ZNF667: variants seen among roughly 807,000 people sequenced by gnomAD.
ZNF667 encodes the protein myocardial ischemic preconditioning upregulated 1 ortholog.
A neutral mutation model predicts 31.8 loss-of-function variants in ZNF667; 13 were observed. The ratio of observed to expected loss-of-function variants is 0.41; its 90% confidence interval spans 0.27 to 0.65. The LOEUF is 0.65. Ranked by LOEUF, ZNF667 falls within the 30% of genes least tolerant of loss-of-function variation. The probability of loss-of-function intolerance (pLI) is 0.32; values close to 1 mark genes in which losing one functional copy is unlikely to be tolerated. For synonymous variants in ZNF667, 228 were observed against 247.1 expected, an observed-to-expected ratio of 0.92 and a Z score of 0.73; for missense variants, 642 against 725.6, an observed-to-expected ratio of 0.88 and a Z score of 1.32.
intron 6 of ZNF667, among the ~76,000 whole-genome samples, chr19:56,446,255 T>A (rs901892141): frequency 3.9e-5 from 6 of 152,242 alleles, no homozygotes; most frequent in African/African-American, 7.2e-5. Context: ...TAGATAATAA[T>A]CACGTACCTC....
chr19:56,451,868 CAAAAAAAAA>C (rs71184363), intron 6 of ZNF667, among the ~76,000 whole-genome samples: 34 of 80,946 alleles, frequency 4.2e-4, no homozygotes, highest in African/African-American at 1.0e-3. Context: ...GACCCTGTCT[CAAAAAAAAA>C]AAAAAAAAAA....
chr19:56,462,631 AG>A (rs2043071444), intron 3 of ZNF667, among the ~76,000 whole-genome samples: 1 of 152,198 alleles, frequency 6.6e-6, no homozygotes, highest in Non-Finnish European at 1.5e-5. Context: ...TTTGTGCCTA[AG>A]ATCATAGCAG....
intron 5 of ZNF667, 41 bp from the exon 6 acceptor site, chr19:56,458,288 G>A (rs2042975636): frequency 6.3e-7 from 1 of 1,581,048 alleles, no homozygotes. Flanking sequence ...ATAAATGTGG[G>A]CACCACAGAA....
chr19:56,453,681 C>T (rs2042879926), intron 6 of ZNF667, among the ~76,000 whole-genome samples: 1 of 152,046 alleles, frequency 6.6e-6, no homozygotes, highest in Admixed American at 6.6e-5. Flanking sequence ...AGGAACATTC[C>T]TCAACACAAT....
rs769969463 is a variant in ZNF667 at position 56,462,413 on chromosome 19, G to C, written c.-43C>G. 5 of 1,613,196 alleles carry C rather than the reference G, an allele frequency of 3.1e-6. No individual in the cohort carries two copies. Among genetic ancestry groups the C allele is most frequent in the Admixed American group, 1.7e-5 (1 of 60,010 alleles). The stretch of plus-strand genomic sequence containing the variant: ...GGGTCCACACTGAGAGATGGGCAGA[G>C]AGCTGGTAAGGCAGGGCTGTGGGGA... On this transcript the variant is annotated 5_prime_UTR_variant, in exon 4 of 7. Transcript: ENST00000504904.
intron 6 of ZNF667, among the ~76,000 whole-genome samples, chr19:56,450,530 T>C (rs2042799311): frequency 6.6e-6 from 1 of 152,112 alleles, no homozygotes; most frequent in Admixed American, 6.5e-5. Context: ...CATCTGAACA[T>C]ACAACACTCA....
intron 6 of ZNF667, among the ~76,000 whole-genome samples, chr19:56,452,485 C>A (rs555739104): frequency 5.9e-5 from 9 of 152,210 alleles, no homozygotes; most frequent in Admixed American, 3.9e-4. Context: ...TAAACGCCTA[C>A]ACCAAAAAAG....
At chr19:56,452,051 T>C (rs1435624225) in intron 6 of ZNF667, among the ~76,000 whole-genome samples, 2 of 140,908 alleles carry the variant, frequency 1.4e-5, no homozygotes, top group East Asian at 4.0e-4. Context: ...AGAAATCTCT[T>C]TTTTTTTTTT....
chr19:56,462,403 G>T lies in ZNF667; in HGVS notation c.-33C>A, dbSNP rs770986100. 1 of 1,613,986 alleles carries T rather than the reference G, an allele frequency of 6.2e-7. No homozygotes were observed. The highest frequency in any genetic ancestry group is 1.7e-5 in the Admixed American group (1 of 60,006). On this transcript the variant is annotated 5_prime_UTR_variant, in exon 4 of 7. Transcript: ENST00000504904. ...TCCCCCTTTAGGGTCCACACTGAGA[G>T]ATGGGCAGAGAGCTGGTAAGGCAGG...
intron 3 of ZNF667, among the ~76,000 whole-genome samples, chr19:56,465,088 A>G (rs1430833972): frequency 6.6e-6 from 1 of 152,268 alleles, no homozygotes; most frequent in Non-Finnish European, 1.5e-5. Context: ...TGAAAGTTGT[A>G]GAATGACAGT....
intron 3 of ZNF667, chr19:56,468,926 C>T (rs890906701): frequency 6.6e-6 from 1 of 152,212 alleles, no homozygotes; most frequent in Non-Finnish European, 1.5e-5. Flanking sequence ...CGTAGCTCTG[C>T]CTTTCAGGAC....
At chr19:56,477,668 TCCTCGAGCTCTTTAACCAAACCCAA>T (rs1327700701), upstream of ZNF667, 1 of 152,452 alleles carries the variant, frequency 6.6e-6, no homozygotes, top group Non-Finnish European at 1.5e-5. Context: ...CTGAGGCCCT[TCCTCGAGCTCTTTAACCAAACCCAA>T]CCTCCCCAAT....
At chr19:56,464,552 CT>C (rs1200326296) in intron 3 of ZNF667, among the ~76,000 whole-genome samples, 3 of 152,190 alleles carry the variant, frequency 2.0e-5, no homozygotes, top group Non-Finnish European at 2.9e-5. Flanking sequence ...GCTTTTTACC[CT>C]TTTCAATGTA....
At chr19:56,466,420 G>A (rs2043160922) in intron 3 of ZNF667, among the ~76,000 whole-genome samples, 1 of 152,272 alleles carries the variant, frequency 6.6e-6, no homozygotes, top group South Asian at 2.1e-4. Context: ...AGATGGAGTT[G>A]AGGTGGGCAC....
intron 3 of ZNF667, chr19:56,470,141 G>A (rs182784037): frequency 2.4e-6 from 1 of 417,536 alleles, no homozygotes; most frequent in East Asian, 7.2e-5. Context: ...GGAGGACAAA[G>A]GGCTGCTGGA....
chr19:56,446,981 C>A (rs958596012), intron 6 of ZNF667, among the ~76,000 whole-genome samples: 1 of 152,080 alleles, frequency 6.6e-6, no homozygotes, highest in African/African-American at 2.4e-5. Context: ...TGTGGAAATC[C>A]TTAAACCACA....
At chr19:56,467,315 A>C (rs2043184856) in intron 3 of ZNF667, among the ~76,000 whole-genome samples, 1 of 152,130 alleles carries the variant, frequency 6.6e-6, no homozygotes, top group Non-Finnish European at 1.5e-5. Context: ...CACCTTACAC[A>C]GCAAAAGGAA....
intron 3 of ZNF667, among the ~76,000 whole-genome samples, chr19:56,469,463 A>G (rs1304895883): frequency 2.6e-5 from 4 of 152,116 alleles, no homozygotes; most frequent in Non-Finnish European, 4.4e-5. Context: ...TCAATTGGGG[A>G]CAATACAGAA....
chr19:56,460,734 A>G lies in ZNF667; in HGVS notation c.115T>C (p.Tyr39His). The change falls in exon 5 of 7, where the codon TAT becomes CAT. Residue 39 changes from tyrosine to histidine, a missense_variant. Physicochemically the swap from Tyr to His is moderately conservative, Grantham distance 83. Coordinates refer to ENST00000504904, the MANE Select transcript of ZNF667 (RefSeq NM_001321356.2). Reference protein sequence around the residue: ...EWLSPIQKDLYEDVMLENYRN... With the variant: ...EWLSPIQKDLHEDVMLENYRN... Reference sequence around the variant, plus strand: ...TAATTCTCCAACATGACATCTTCATACAAATCCTTCTGAATGGGGCTCAGC... The same window carrying G: ...TAATTCTCCAACATGACATCTTCATGCAAATCCTTCTGAATGGGGCTCAGC... 1 of 1,612,562 alleles carries G rather than the reference A, an allele frequency of 6.2e-7. No individual in the cohort carries two copies. The highest frequency in any genetic ancestry group is 8.5e-7 in the Non-Finnish European group (1 of 1,179,428).
Sources: gnomAD v4.1 joint callset for allele counts (sites outside exome capture counted in the v4.1 genomes callset) on GRCh38, gnomAD v4.1.1 for gene constraint, MANE v1.5 for transcripts, NCBI Gene and HGNC (gene_info 2026-07-23, HGNC 2026-07-21) for gene names.